Variants in FIGLA observed in about 807,000 individuals in gnomAD.
FIGLA encodes factor in the germline alpha.
In FIGLA, 17 loss-of-function variants were observed where a neutral mutation model predicts 21.5. That is an observed-to-expected ratio of 0.79 (90% CI 0.54 to 1.19). The LOEUF is 1.19. FIGLA is among the 50% of genes most tolerant of loss of function. FIGLA has a pLI of 0.00. For missense variants in FIGLA, 282 were observed against 285.0 expected (o/e 0.99, Z 0.08); for synonymous variants, 129 against 117.6 (o/e 1.10, Z -0.63).
intron 1 of FIGLA, among the ~76,000 whole-genome samples, chr2:70,790,027 C>G (rs1228404282): frequency 6.6e-6 from 1 of 152,168 alleles, no homozygotes; most frequent in South Asian, 2.1e-4. Flanking sequence ...CCTGCGCGTC[C>G]CAAGCACCCA....
Position 70,790,577 on chromosome 2 carries a change from G to A in FIGLA, c.62C>T (p.Pro21Leu). 1 of 1,514,680 alleles carries A rather than the reference G, an allele frequency of 6.6e-7. No homozygotes were observed. The highest frequency in any genetic ancestry group is 2.0e-5 in the Admixed American group (1 of 49,240). The allele number at this position is 1,514,680 out of a possible 1,614,324, so 93.8% of individuals were successfully genotyped here. Residue 21 changes from proline to leucine, a missense_variant, in exon 1 of 5, where the codon CCG becomes CTG. Transcript: ENST00000332372. ...CACGTCCTCCAGCACCTCGGCTTGC[G>A]GGGTGCCCAGGAGCGCGGGCGGCGC... is the stretch of plus-strand genomic sequence containing the variant. Reference protein sequence around the residue: ...RAAPPALLGTPQAEVLEDVLR... With the variant: ...RAAPPALLGTLQAEVLEDVLR...
Position 70,777,590 on chromosome 2 carries a change from G to C in FIGLA, c.644+47C>G, listed in dbSNP as rs781979849. ...AATTAGCACTCTTATTATACAGCCA[G>C]TGGTGTTATAAATTGGCACTATGCA... On this transcript the variant is annotated intron_variant, in intron 4 of 4. Coordinates refer to ENST00000332372, the MANE Select transcript of FIGLA (RefSeq NM_001004311.3). The C allele has an allele frequency of 5.0e-6, 8 of 1,588,530 alleles. No homozygotes were observed. In the South Asian group the frequency reaches 8.1e-5, roughly 16 times the overall value.
intron 1 of FIGLA, among the ~76,000 whole-genome samples, chr2:70,788,532 G>A (rs116183708): frequency 0.016 from 2,471 of 152,250 alleles, 32 homozygotes; most frequent in Non-Finnish European, 0.022. Flanking sequence ...ATCCCCCTGG[G>A]AGATACAGGC....
chr2:70,787,476 T>C lies in FIGLA; in HGVS notation c.384+173A>G, dbSNP rs142354454. Among the ~76,000 whole-genome samples, 577 of 152,362 alleles carry C rather than the reference T, an allele frequency of 3.8e-3. 3 individuals are homozygous for C. Among genetic ancestry groups the C allele is most frequent in the African/African-American group, 0.013 (544 of 41,592 alleles). ...CAGTCCTGACTTTTTCAGAGCTGTA[T>C]GGCCTTAACTATATTTTGGTTTCCT... On this transcript the variant is annotated intron_variant, in intron 2 of 4. Transcript: ENST00000332372.
intron 4 of FIGLA, 73 bp from the exon 5 acceptor site, chr2:70,777,455 G>A: frequency 7.4e-7 from 1 of 1,346,648 alleles, no homozygotes; most frequent in Middle Eastern, 2.0e-4. Context: ...AAAGAAATAT[G>A]CAAAAAATTA....
intron 3 of FIGLA, among the ~76,000 whole-genome samples, chr2:70,778,053 T>A (rs1275968403): frequency 6.6e-6 from 1 of 152,232 alleles, no homozygotes; most frequent in African/African-American, 2.4e-5. Flanking sequence ...TGAAACCTAT[T>A]ATGTACATCA....
intron 3 of FIGLA, among the ~76,000 whole-genome samples, chr2:70,782,575 G>C (rs1360545373): frequency 6.6e-6 from 1 of 152,186 alleles, no homozygotes; most frequent in African/African-American, 2.4e-5. Flanking sequence ...TGGCGGTAAC[G>C]CCGCAACATT....
chr2:70,790,517 G>A lies in FIGLA; in HGVS notation c.122C>T (p.Ala41Val), dbSNP rs1210411819. 102 of 1,540,540 alleles carry A rather than the reference G, an allele frequency of 6.6e-5. No homozygotes were observed. The highest frequency in any genetic ancestry group is 8.5e-5 in the Non-Finnish European group (97 of 1,146,330). Residue 41 changes from alanine to valine, a missense_variant, in exon 1 of 5, where the codon GCC becomes GTC. Transcript: ENST00000332372. Reference protein sequence around the residue: ...REQFGPLPQLAAVCRLKRLPS... With the variant: ...REQFGPLPQLVAVCRLKRLPS... ...CAGCCGCTTGAGCCGGCAGACAGCG[G>A]CCAGCTGGGGCAGCGGCCCGAACTG... is the stretch of plus-strand genomic sequence containing the variant.
intron 3 of FIGLA, among the ~76,000 whole-genome samples, chr2:70,783,133 C>T (rs1324680796): frequency 6.6e-6 from 1 of 151,952 alleles, no homozygotes; most frequent in South Asian, 2.1e-4. Flanking sequence ...TACTAGAATG[C>T]TTCTGCAAAA....
At chr2:70,786,317 TG>T (rs1160581967) in intron 2 of FIGLA, among the ~76,000 whole-genome samples, 9 of 147,154 alleles carry the variant, frequency 6.1e-5, no homozygotes, top group African/African-American at 1.3e-4. Context: ...TTCTTTTTTT[TG>T]GGGGGGGACA....
chr2:70,789,301 A>C (rs1207493059), intron 1 of FIGLA, among the ~76,000 whole-genome samples: 1 of 152,200 alleles, frequency 6.6e-6, no homozygotes, highest in Non-Finnish European at 1.5e-5. Context: ...CCTTATCATT[A>C]TAAAGAATAA....
chr2:70,778,615 T>C (rs1675804986), intron 3 of FIGLA, among the ~76,000 whole-genome samples: 1 of 152,182 alleles, frequency 6.6e-6, no homozygotes, highest in African/African-American at 2.4e-5. Flanking sequence ...AGAACATTTA[T>C]TTTAGTTTGT....
At position 70,785,403 on chromosome 2, in the gene FIGLA, G is replaced by A; in HGVS notation, c.609+12C>T. The A allele has an allele frequency of 6.3e-7, 1 of 1,599,196 alleles. No homozygotes were observed. Among genetic ancestry groups the A allele is most frequent in the Non-Finnish European group, 8.6e-7 (1 of 1,167,302 alleles). On this transcript the variant is annotated intron_variant, in intron 3 of 4. Transcript: ENST00000332372. ...TGATATCTGTATGGGTATTTAAGAA[G>A]GAATATTTTACCAGACTTCTGGTTG...
intron 1 of FIGLA, 79 bp from the exon 2 acceptor site, chr2:70,787,880 T>C: frequency 4.1e-6 from 6 of 1,454,390 alleles, no homozygotes; most frequent in Non-Finnish European, 5.6e-6. Context: ...AAGGGGGTTG[T>C]TTCCACTGCC....
chr2:70,786,453 G>A (rs1351509337), intron 2 of FIGLA, among the ~76,000 whole-genome samples: 1 of 149,514 alleles, frequency 6.7e-6, no homozygotes, highest in Non-Finnish European at 1.5e-5. Context: ...ACCGGCGCCT[G>A]CCACCACGCC....
Position 70,790,474 on chromosome 2 carries a change from C to T in FIGLA, c.165G>A (p.Ser55=). The change falls in exon 1 of 5, where the codon TCG becomes TCA. Residue 55 remains serine, a synonymous_variant. Coordinates refer to ENST00000332372, the MANE Select transcript of FIGLA (RefSeq NM_001004311.3). ...RLKRLPSGGY[S]STENLQLVLE... ...GCACCAACTGGAGGTTTTCAGTGGA[C>T]GAGTAGCCGCCCGAGGGCAGCCGCT... 1.3e-6 allele frequency: 2 copies of T among 1,544,884 alleles called. No homozygotes were observed. Among genetic ancestry groups the T allele is most frequent in the Non-Finnish European group, 1.7e-6 (2 of 1,146,216 alleles).
intron 1 of FIGLA, among the ~76,000 whole-genome samples, chr2:70,788,607 G>A (rs1274069731): frequency 6.6e-6 from 1 of 152,172 alleles, no homozygotes; most frequent in Non-Finnish European, 1.5e-5. Flanking sequence ...CTACCCTGGA[G>A]CAAACCAGAC....
intron 2 of FIGLA, among the ~76,000 whole-genome samples, chr2:70,786,316 T>G (rs541848220): frequency 6.7e-6 from 1 of 150,350 alleles, no homozygotes; most frequent in South Asian, 2.2e-4. Context: ...TTTCTTTTTT[T>G]TGGGGGGGGA....
In FIGLA at chr2:70,781,992, C is replaced by T. The variant is rs6546628; in HGVS notation, c.609+3423G>A. Among the ~76,000 whole-genome samples, 3 of 152,164 alleles carry T rather than the reference C, an allele frequency of 2.0e-5. 1 individual carries two copies. The highest frequency in any genetic ancestry group is 3.4e-3 in the Middle Eastern group (1 of 294). The stretch of plus-strand genomic sequence containing the variant: ...ATAGTTATGGAAGATGCAACCATTG[C>T]GGAAAACTGGGCTACGGATGCACAG... On this transcript the variant is annotated intron_variant, in intron 3 of 4. Coordinates refer to ENST00000332372, the MANE Select transcript of FIGLA (RefSeq NM_001004311.3).
Sources: gnomAD v4.1 joint callset for allele counts (sites outside exome capture counted in the v4.1 genomes callset) on GRCh38, gnomAD v4.1.1 for gene constraint, MANE v1.5 for transcripts, NCBI Gene and HGNC (gene_info 2026-07-23, HGNC 2026-07-21) for gene names.